PLCB4: variants seen among roughly 807,000 people sequenced by gnomAD.
PLCB4 encodes phospholipase C beta 4.
In PLCB4, 77 loss-of-function variants were observed where a neutral mutation model predicts 178.8. That is an observed-to-expected ratio of 0.43 (90% confidence interval 0.36 to 0.52). The LOEUF (loss-of-function observed/expected upper bound fraction) is 0.52. Ranked by LOEUF, PLCB4 falls within the 20% of genes least tolerant of loss-of-function variation. PLCB4 has a pLI of 0.00. For missense variants in PLCB4, 1,024 were observed against 1,453.4 expected (o/e 0.70, Z 4.80); for synonymous variants, 496 against 490.8 (o/e 1.01, Z -0.14).
At chr20:9,264,014 A>G (rs1204244746) in intron 3 of PLCB4, among the ~76,000 whole-genome samples, 1 of 152,188 alleles carries the variant, frequency 6.6e-6, no homozygotes, top group African/African-American at 2.4e-5. Context: ...ACGTCTTTAA[A>G]AAGGCATCTT....
chr20:9,205,792 C>T lies in PLCB4; in HGVS notation c.-78-11598C>T, dbSNP rs554877983. On this transcript the variant is annotated intron_variant, in intron 2 of 39. Coordinates refer to ENST00000378473, the MANE Select transcript of PLCB4 (RefSeq NM_001377142.1). Reference sequence around the variant, plus strand: ...TCCCTTCCTTCTCTCCTCTCTAACCCCTGGGAACCATTAATCTGTTCTTTA... The same window carrying T: ...TCCCTTCCTTCTCTCCTCTCTAACCTCTGGGAACCATTAATCTGTTCTTTA... Among the ~76,000 whole-genome samples the T allele has an allele frequency of 1.4e-3, 207 of 152,264 alleles. 1 individual carries two copies. Among genetic ancestry groups the T allele is most frequent in the African/African-American group, 4.7e-3 (195 of 41,542 alleles).
chr20:9,276,065 A>C (rs1487720002), intron 3 of PLCB4, among the ~76,000 whole-genome samples: 1 of 152,086 alleles, frequency 6.6e-6, no homozygotes, highest in African/African-American at 2.4e-5. Context: ...CGGATGGCAA[A>C]TGTGTCACCT....
chr20:9,308,095 T>A (rs2094791829), intron 4 of PLCB4, among the ~76,000 whole-genome samples, 197 bp downstream of exon 4: 1 of 152,178 alleles, frequency 6.6e-6, no homozygotes, highest in East Asian at 1.9e-4. Context: ...GCTCACTATG[T>A]GCCAGATGAC....
At chr20:9,341,531 C>G (rs35232535) in intron 7 of PLCB4, among the ~76,000 whole-genome samples, 10,123 of 151,908 alleles carry the variant, frequency 0.067, 357 homozygotes, top group Middle Eastern at 0.095. Context: ...TCATAAAAGT[C>G]TTTATCCTCA....
intron 2 of PLCB4, among the ~76,000 whole-genome samples, chr20:9,172,113 T>G (rs1391466527): frequency 6.6e-6 from 1 of 152,228 alleles, no homozygotes; most frequent in Non-Finnish European, 1.5e-5. Context: ...TAATAATTCC[T>G]TTCATCTGCA....
intron 2 of PLCB4, among the ~76,000 whole-genome samples, chr20:9,181,215 C>T (rs1449644126): frequency 1.3e-5 from 2 of 152,136 alleles, no homozygotes; most frequent in Non-Finnish European, 2.9e-5. Context: ...TTTTTGAGAC[C>T]TCCCAAATGG....
At chr20:9,408,414 A>G (rs2039609258) in intron 22 of PLCB4, among the ~76,000 whole-genome samples, 1 of 115,654 alleles carries the variant, frequency 8.6e-6, no homozygotes, top group South Asian at 2.5e-4. Flanking sequence ...AGCCATCGTA[A>G]TCATCATTAT....
intron 7 of PLCB4, among the ~76,000 whole-genome samples, chr20:9,353,064 T>C (rs1029275462): frequency 6.6e-6 from 1 of 152,206 alleles, no homozygotes; most frequent in Admixed American, 6.5e-5. Flanking sequence ...TTGAAAACTT[T>C]ATGAGGATTA....
intron 15 of PLCB4, among the ~76,000 whole-genome samples, chr20:9,389,351 C>G (rs964518773): frequency 3.3e-5 from 5 of 152,054 alleles, no homozygotes; most frequent in Admixed American, 6.5e-5. Context: ...AGGGATACTG[C>G]AAATGTCACT....
intron 2 of PLCB4, among the ~76,000 whole-genome samples, chr20:9,143,804 C>T (rs1437974980): frequency 6.6e-6 from 1 of 152,084 alleles, no homozygotes; most frequent in Non-Finnish European, 1.5e-5. Context: ...GCAAGAAATG[C>T]AGGGTGGATA....
At chr20:9,370,009 C>T (rs985742140) in intron 9 of PLCB4, among the ~76,000 whole-genome samples, 2 of 152,132 alleles carry the variant, frequency 1.3e-5, no homozygotes, top group Admixed American at 6.5e-5. Context: ...AATCAGGGAG[C>T]GATTGAAGGC....
intron 2 of PLCB4, among the ~76,000 whole-genome samples, chr20:9,208,034 T>C (rs2093632938): frequency 6.6e-6 from 1 of 152,212 alleles, no homozygotes; most frequent in Non-Finnish European, 1.5e-5. Context: ...CTCTTGGTCA[T>C]GGACATGAGC....
chr20:9,110,368 C>T lies in PLCB4; in HGVS notation c.-79+14026C>T, dbSNP rs115089531. The stretch of plus-strand genomic sequence containing the variant: ...TCAATGGACATATACATTATTGTCT[C>T]AGATTCATAAAAATGTCTTGTAAGC... On this transcript the variant is annotated intron_variant, in intron 2 of 39. Coordinates refer to ENST00000378473, the MANE Select transcript of PLCB4 (RefSeq NM_001377142.1). 3.1e-3 allele frequency among the ~76,000 whole-genome samples: 475 copies of T among 152,234 alleles called. 3 individuals are homozygous for T. Among genetic ancestry groups the T allele is most frequent in the African/African-American group, 0.011 (460 of 41,548 alleles).
At chr20:9,213,266 T>A (rs1345105739) in intron 2 of PLCB4, among the ~76,000 whole-genome samples, 1 of 142,662 alleles carries the variant, frequency 7.0e-6, no homozygotes, top group Non-Finnish European at 1.5e-5. Flanking sequence ...TGCCTCAGCC[T>A]CCCAAGTAGG....
At chr20:9,226,714 C>T (rs1054434858) in intron 3 of PLCB4, among the ~76,000 whole-genome samples, 4 of 152,130 alleles carry the variant, frequency 2.6e-5, no homozygotes, top group African/African-American at 9.7e-5. Flanking sequence ...AATGAATTCA[C>T]TTATTCCTCC....
intron 3 of PLCB4, among the ~76,000 whole-genome samples, chr20:9,278,324 T>C (rs1601578769): frequency 6.6e-6 from 1 of 152,064 alleles, no homozygotes; most frequent in Admixed American, 6.6e-5. Context: ...AGAGTTAGTA[T>C]TGATGTTCTA....
At chr20:9,439,619 GA>G (rs1214674586) in intron 30 of PLCB4, among the ~76,000 whole-genome samples, 1 of 152,184 alleles carries the variant, frequency 6.6e-6, no homozygotes, top group Non-Finnish European at 1.5e-5. Flanking sequence ...GGAATAGAAT[GA>G]TCCACAGGAA....
chr20:9,424,031 T>C (rs2040826415), intron 28 of PLCB4, 79 bp downstream of exon 28: 1 of 959,290 alleles, frequency 1.0e-6, no homozygotes, highest in Admixed American at 1.9e-5. Flanking sequence ...TTGTCCATGC[T>C]TTAAAAAACA....
chr20:9,310,443 T>G (rs1336937316), intron 4 of PLCB4, among the ~76,000 whole-genome samples: 1 of 152,078 alleles, frequency 6.6e-6, no homozygotes, highest in Non-Finnish European at 1.5e-5. Flanking sequence ...GGGCACAGTG[T>G]CTTATGCCTG....
Sources: allele counts gnomAD v4.1 joint callset (sites outside exome capture counted in the v4.1 genomes callset), GRCh38; gene constraint gnomAD v4.1.1; transcripts MANE v1.5; gene names NCBI Gene and HGNC (gene_info 2026-07-23, HGNC 2026-07-21).